Variants in GRIK4 observed in about 807,000 individuals in gnomAD.
GRIK4 encodes glutamate receptor ionotropic, kainate 4.
A neutral mutation model predicts 104.9 loss-of-function variants in GRIK4; 40 were observed. The ratio of observed to expected loss-of-function variants is 0.38; its 90% CI spans 0.30 to 0.50. The LOEUF is 0.50. Ranked by LOEUF, GRIK4 falls within the 20% of genes least tolerant of loss-of-function variation. GRIK4 has a pLI of 0.93. For synonymous variants in GRIK4, 485 were observed against 524.9 expected, an observed-to-expected ratio of 0.92 and a Z score of 1.04; for missense variants, 1,047 against 1,308.1, an observed-to-expected ratio of 0.80 and a Z score of 3.08.
intron 3 of GRIK4, among the ~76,000 whole-genome samples, chr11:120,702,669 G>A (rs1240805088): frequency 6.6e-6 from 1 of 152,134 alleles, no homozygotes; most frequent in Non-Finnish European, 1.5e-5. Context: ...GGAAGCCAAG[G>A]GAAGAAGTGA....
chr11:120,656,280 C>G (rs530093721), intron 2 of GRIK4, among the ~76,000 whole-genome samples: 1 of 152,184 alleles, frequency 6.6e-6, no homozygotes, highest in Non-Finnish European at 1.5e-5. Flanking sequence ...GAGTGAGAGA[C>G]CTGGTTAGCC....
At chr11:120,599,482 G>C (rs567313342) in intron 1 of GRIK4, among the ~76,000 whole-genome samples, 12 of 152,188 alleles carry the variant, frequency 7.9e-5, no homozygotes, top group Non-Finnish European at 1.5e-4. Flanking sequence ...CCGTTATCTG[G>C]GAGATGAAGA....
intron 3 of GRIK4, among the ~76,000 whole-genome samples, chr11:120,690,531 C>T (rs988782597): frequency 2.0e-5 from 3 of 152,262 alleles, no homozygotes; most frequent in African/African-American, 7.2e-5. Context: ...TGAAGTCGAG[C>T]ATGGGCAGCC....
At chr11:120,884,716 C>T (rs1955069216) in intron 11 of GRIK4, among the ~76,000 whole-genome samples, 1 of 152,238 alleles carries the variant, frequency 6.6e-6, no homozygotes, top group Admixed American at 6.5e-5. Flanking sequence ...AAAGGCCTGC[C>T]CGACAGAGCG....
chr11:120,975,928 A>G (rs1022545080), intron 19 of GRIK4, among the ~76,000 whole-genome samples: 7 of 152,220 alleles, frequency 4.6e-5, no homozygotes, highest in Non-Finnish European at 7.3e-5. Flanking sequence ...AGGTAAGAGT[A>G]GTGCCCATTT....
chr11:120,894,191 T>C (rs1183863488), intron 11 of GRIK4: 3 of 152,262 alleles, frequency 2.0e-5, no homozygotes, highest in South Asian at 2.1e-4. Context: ...CTAATAAGGG[T>C]TGACACAGTA....
chr11:120,783,814 A>G (rs1952210224), intron 3 of GRIK4, among the ~76,000 whole-genome samples: 1 of 152,232 alleles, frequency 6.6e-6, no homozygotes, highest in Non-Finnish European at 1.5e-5. Context: ...AAAGCAGGTT[A>G]GTTTCAAGGA....
At chr11:120,567,674 C>T (rs1170335626) in intron 1 of GRIK4, among the ~76,000 whole-genome samples, 2 of 152,108 alleles carry the variant, frequency 1.3e-5, no homozygotes, top group Non-Finnish European at 2.9e-5. Context: ...GTGATGATAT[C>T]CATGAAAGAG....
At chr11:120,806,354 T>A (rs979192223) in intron 4 of GRIK4, among the ~76,000 whole-genome samples, 7 of 152,200 alleles carry the variant, frequency 4.6e-5, no homozygotes, top group African/African-American at 1.7e-4. Context: ...GCTTGATGCA[T>A]CTGATAGCTC....
intron 11 of GRIK4, among the ~76,000 whole-genome samples, chr11:120,883,807 C>T (rs752379817): frequency 1.5e-4 from 23 of 152,334 alleles, no homozygotes; most frequent in Middle Eastern, 3.4e-3. Context: ...TGCCCCATCA[C>T]GCTTCTGCCT....
chr11:120,916,571 C>T (rs980626149), intron 13 of GRIK4, among the ~76,000 whole-genome samples: 1 of 152,138 alleles, frequency 6.6e-6, no homozygotes, highest in Non-Finnish European at 1.5e-5. Flanking sequence ...TCTGAAAATC[C>T]AAAATCTGAA....
intron 1 of GRIK4, among the ~76,000 whole-genome samples, chr11:120,630,291 G>A (rs1000266368): frequency 1.1e-4 from 16 of 152,224 alleles, no homozygotes; most frequent in African/African-American, 2.9e-4. Flanking sequence ...CAGGCCTCCC[G>A]TGACCTGCTC....
chr11:120,553,110 G>T (rs2510879), intron 1 of GRIK4, among the ~76,000 whole-genome samples: 8,271 of 152,234 alleles, frequency 0.054, 768 homozygotes, highest in African/African-American at 0.19. Flanking sequence ...TTACCTTCTA[G>T]ATAGAAAAGA....
At chr11:120,787,374 T>C (rs1186020982) in intron 3 of GRIK4, among the ~76,000 whole-genome samples, 1 of 152,150 alleles carries the variant, frequency 6.6e-6, no homozygotes, top group East Asian at 1.9e-4. Context: ...TGAAATTTGG[T>C]TAAGGAAAAT....
intron 6 of GRIK4, among the ~76,000 whole-genome samples, chr11:120,831,526 T>C (rs1268927533): frequency 6.6e-6 from 1 of 152,268 alleles, no homozygotes; most frequent in Non-Finnish European, 1.5e-5. Context: ...GTGCATCCTA[T>C]CCGGCTTTCG....
intron 11 of GRIK4, among the ~76,000 whole-genome samples, chr11:120,889,589 AT>A (rs369264259): frequency 1.0e-3 from 64 of 62,484 alleles, no homozygotes; most frequent in African/African-American, 3.7e-3. Flanking sequence ...AAGAGCTTAC[AT>A]TTTTTTTTTT....
intron 1 of GRIK4, among the ~76,000 whole-genome samples, chr11:120,553,652 G>C (rs1288923811): frequency 6.6e-6 from 1 of 152,214 alleles, no homozygotes; most frequent in Non-Finnish European, 1.5e-5. Context: ...AACTGCACTT[G>C]GCCTCCTCAG....
chr11:120,528,928 A>G lies in GRIK4; in HGVS notation c.-159+17041A>G, dbSNP rs552601246. On this transcript the variant is annotated intron_variant, in intron 1 of 20. Coordinates refer to ENST00000527524, the MANE Select transcript of GRIK4 (RefSeq NM_014619.5). ...GGGGGCACAGCCAAACCACATCACC[A>G]TCTATTGAGCATGTGCCCATCTACA... Among the ~76,000 whole-genome samples, 39 of 152,212 alleles carry G rather than the reference A, an allele frequency of 2.6e-4. No homozygotes were observed. In the South Asian group the frequency reaches 7.9e-3, roughly 31 times the overall value.
intron 1 of GRIK4, among the ~76,000 whole-genome samples, chr11:120,648,741 G>A (rs557208714): frequency 1.3e-5 from 2 of 152,310 alleles, no homozygotes; most frequent in Non-Finnish European, 2.9e-5. Flanking sequence ...CCAGGTCTTG[G>A]AGCTAGGTAT....
Sources: gnomAD v4.1 joint callset for allele counts (sites outside exome capture counted in the v4.1 genomes callset) on GRCh38, gnomAD v4.1.1 for gene constraint, MANE v1.5 for transcripts, NCBI Gene and HGNC (gene_info 2026-07-23, HGNC 2026-07-21) for gene names.